Variants in MON2 observed in about 807,000 individuals in gnomAD.
MON2 encodes the protein protein MON2 homolog.
In MON2, 84 loss-of-function variants were observed where a neutral mutation model predicts 208.6. That is an observed-to-expected ratio of 0.40 (90% confidence interval 0.34 to 0.48). The LOEUF is 0.48. Ranked by LOEUF, MON2 falls within the 20% of genes least tolerant of loss-of-function variation. The pLI is 0.59. For missense variants in MON2, 1,611 were observed against 2,015.4 expected (o/e 0.80, Z 3.84); for synonymous variants, 660 against 694.0 (o/e 0.95, Z 0.77).
rs1365206336 is a variant in MON2, at chr12:62,547,059, A to G, written c.2740A>G (p.Arg914Gly). 2 of 1,576,166 alleles carry G rather than the reference A, an allele frequency of 1.3e-6. No homozygotes were observed. The highest frequency in any genetic ancestry group is 1.4e-5 in the African/African-American group (1 of 73,626). Reference protein sequence around the residue: ...PLVLGVMGAIRNDQGESLIRT... With the variant: ...PLVLGVMGAIGNDQGESLIRT... ...AGTGCTTGGAGTCATGGGAGCAATC[A>G]GAAATGATCAAGGGTAAGTATTTAA... Residue 914 changes from arginine to glycine, a missense_variant, in exon 22 of 35, where the codon AGA becomes GGA. Coordinates refer to ENST00000393630, the MANE Select transcript of MON2 (RefSeq NM_015026.3).
chr12:62,489,609 T>C (rs2069998590), intron 2 of MON2, among the ~76,000 whole-genome samples: 1 of 152,110 alleles, frequency 6.6e-6, no homozygotes, highest in Non-Finnish European at 1.5e-5. Context: ...TAGTCATTTT[T>C]ATTTTATGGT....
rs571579828 is a variant in MON2 at position 62,560,546 on chromosome 12, C to G, written c.3465C>G (p.Leu1155=). 4 of 1,613,842 alleles carry G rather than the reference C, an allele frequency of 2.5e-6. No homozygotes were observed. The East Asian group carries it at 6.7e-5, about 27-fold the overall frequency. The part of the protein sequence containing the change: ...VLLDHIQSAA[L]SKNNEVSLAA... Reference sequence around the variant, plus strand: ...TTGACCATATACAGTCAGCAGCACTCAGCAAAAACAATGAAGTATCTCTGG... The same window carrying G: ...TTGACCATATACAGTCAGCAGCACTGAGCAAAAACAATGAAGTATCTCTGG... Residue 1155 remains leucine, a synonymous_variant, in exon 26 of 35, where the codon CTC becomes CTG. Transcript: ENST00000393630.
intron 8 of MON2, among the ~76,000 whole-genome samples, chr12:62,512,330 T>C (rs1157087444): frequency 2.0e-5 from 3 of 152,166 alleles, no homozygotes; most frequent in African/African-American, 4.8e-5. Context: ...CAAAACGAGT[T>C]AATTACTTCC....
At chr12:62,479,487 A>G (rs1289289449) in intron 1 of MON2, among the ~76,000 whole-genome samples, 4 of 145,768 alleles carry the variant, frequency 2.7e-5, no homozygotes, top group African/African-American at 1.0e-4. Flanking sequence ...GCAGATGCAA[A>G]ACCAGTGGAT....
intron 11 of MON2, among the ~76,000 whole-genome samples, chr12:62,531,189 G>A (rs899365408): frequency 3.3e-5 from 5 of 151,992 alleles, no homozygotes; most frequent in East Asian, 1.9e-4. Context: ...TTTCTTGATT[G>A]CTGCTTTTTG....
chr12:62,598,291 G>A lies in MON2; in HGVS notation c.*5542G>A, dbSNP rs992331798. 1 of 152,032 alleles carries A rather than the reference G, an allele frequency of 6.6e-6. No individual in the cohort carries two copies. Among genetic ancestry groups the A allele is most frequent in the African/African-American group, 2.4e-5 (1 of 41,394 alleles). The allele number at this position is 152,032 out of a possible 1,614,324, so 9.4% of individuals were successfully genotyped here. A position where few individuals can be genotyped will look rare whatever the true frequency, so the allele number is the denominator to read the frequency against. On this transcript the variant is annotated 3_prime_UTR_variant, in exon 35 of 35. Transcript: ENST00000393630. ...TTTTCAGACCATTTTCAGTTGCTGC[G>A]AATGTAGTTACACTAAGTTTTATTT...
chr12:62,568,206 T>C (rs1290862944), intron 29 of MON2, among the ~76,000 whole-genome samples: 1 of 152,192 alleles, frequency 6.6e-6, no homozygotes. Flanking sequence ...TTAAGAAATG[T>C]TGAGAAATTT....
intron 8 of MON2, among the ~76,000 whole-genome samples, chr12:62,519,179 A>C (rs1356668494): frequency 2.0e-5 from 3 of 152,212 alleles, no homozygotes; most frequent in African/African-American, 4.8e-5. Context: ...CCGACGGGTC[A>C]CAGAATGTTC....
chr12:62,574,582 T>A (rs2074711044), intron 30 of MON2, among the ~76,000 whole-genome samples: 1 of 152,182 alleles, frequency 6.6e-6, no homozygotes, highest in Non-Finnish European at 1.5e-5. Flanking sequence ...TTTTGCCATG[T>A]TGCCCAGGCT....
chr12:62,470,561 T>C (rs1252549391), intron 1 of MON2: 1 of 208,996 alleles, frequency 4.8e-6, no homozygotes. Flanking sequence ...TTTTTTCCTT[T>C]GTTTTAAAAA....
rs2136453901 is a variant in MON2, at chr12:62,580,284, T to C, written c.4576-13T>C. ...AGAAAACAATACATTTGCATTTGCC[T>C]CTTTTGTTTTAGGTAGTTCAACTTA... On this transcript the variant is annotated splice_polypyrimidine_tract_variant and intron_variant, in intron 31 of 34. Transcript: ENST00000393630. The C allele has an allele frequency of 6.2e-7, 1 of 1,603,898 alleles. No homozygotes were observed. The highest frequency in any genetic ancestry group is 2.2e-5 in the East Asian group (1 of 44,632).
chr12:62,500,684 A>G (rs1477742106), intron 5 of MON2, 99 bp from the exon 6 acceptor site: 7 of 612,876 alleles, frequency 1.1e-5, no homozygotes, highest in Admixed American at 3.9e-5. Flanking sequence ...TTCAACTTAT[A>G]TAAACAAATA....
chr12:62,475,344 C>G (rs2069012714), intron 1 of MON2, among the ~76,000 whole-genome samples: 1 of 152,032 alleles, frequency 6.6e-6, no homozygotes, highest in African/African-American at 2.4e-5. Context: ...TCAAGTGATT[C>G]TCATGCCTCA....
chr12:62,520,433 C>CTTTA (rs2071962599), intron 8 of MON2, among the ~76,000 whole-genome samples: 1 of 151,530 alleles, frequency 6.6e-6, no homozygotes. Flanking sequence ...GACAGGCGTA[C>CTTTA]TTTATTTTTG....
chr12:62,587,578 TAAA>T (rs559589798), intron 33 of MON2, among the ~76,000 whole-genome samples: 1 of 141,006 alleles, frequency 7.1e-6, no homozygotes, highest in Admixed American at 7.1e-5. Flanking sequence ...GTTTCTACTT[TAAA>T]AAAAAAAAAA....
chr12:62,504,340 G>A (rs1184858045), intron 7 of MON2, among the ~76,000 whole-genome samples: 2 of 147,018 alleles, frequency 1.4e-5, no homozygotes, highest in East Asian at 2.0e-4. Flanking sequence ...CGCCTCCCAT[G>A]TTCACGCCAT....
chr12:62,560,524 A>G lies in MON2; in HGVS notation c.3443A>G (p.Asp1148Gly). ...TCAAGAGCTTGGGATGTTCTTCTTG[A>G]CCATATACAGTCAGCAGCACTCAGC... The part of the protein sequence containing the change: ...DFSRAWDVLL[D>G]HIQSAALSKN... Residue 1148 changes from aspartate (D) to glycine (G), a missense_variant, in exon 26 of 35, where the codon GAC becomes GGC. Physicochemically the swap from Asp to Gly is moderately conservative, Grantham distance 94. Coordinates refer to ENST00000393630, the MANE Select transcript of MON2 (RefSeq NM_015026.3). 6.2e-7 allele frequency: 1 copy of G among 1,613,010 alleles called. No individual in the cohort carries two copies. Among genetic ancestry groups the G allele is most frequent in the Non-Finnish European group, 8.5e-7 (1 of 1,179,800 alleles).
In MON2 at chr12:62,493,943, A is replaced by G. The variant is rs2070323598; in HGVS notation, c.204A>G (p.Val68=). The part of the protein sequence containing the change: ...AALKENSSEV[V]QPFLMGCGTK... ...TGAAAGAGAACAGCTCAGAGGTTGT[A>G]CAGCCTTTTTTAATGGGTTGTGGAA... Residue 68 remains valine (V), a synonymous_variant, in exon 3 of 35, where the codon GTA becomes GTG. Transcript: ENST00000393630. 6.2e-7 allele frequency: 1 copy of G among 1,609,872 alleles called. No individual in the cohort carries two copies. Among genetic ancestry groups the G allele is most frequent in the Non-Finnish European group, 8.5e-7 (1 of 1,177,260 alleles).
intron 2 of MON2, among the ~76,000 whole-genome samples, chr12:62,488,674 G>C (rs575907096): frequency 6.6e-6 from 1 of 152,150 alleles, no homozygotes; most frequent in Non-Finnish European, 1.5e-5. Flanking sequence ...ATGAGGGGCT[G>C]TAAATAATAC....
Sources: gnomAD v4.1 joint callset for allele counts (sites outside exome capture counted in the v4.1 genomes callset) on GRCh38, gnomAD v4.1.1 for gene constraint, MANE v1.5 for transcripts, NCBI Gene and HGNC (gene_info 2026-07-23, HGNC 2026-07-21) for gene names.